The following IRS2 variants were observed in gnomAD, a reference collection of about 807,000 sequenced individuals.
The protein encoded by IRS2 is insulin receptor substrate 2.
Under a neutral mutation model 70.9 loss-of-function variants are expected in IRS2, and 28 were observed. The ratio of observed to expected loss-of-function variants is 0.39; its 90% CI spans 0.29 to 0.54. IRS2 has a LOEUF of 0.54. Among genes scored for constraint, IRS2 ranks in the 20% least tolerant of loss-of-function variants. IRS2 has a pLI of 0.59. For missense variants in IRS2, 2,081 were observed against 2,024.1 expected (o/e 1.03, Z -0.54); for synonymous variants, 1,217 against 981.9 (o/e 1.24, Z -4.48).
In IRS2 at chr13:109,786,095, G is replaced by A. The variant is rs1161244387; in HGVS notation, c.-42C>T. 1.6e-5 allele frequency: 16 copies of A among 1,010,436 alleles called. No homozygotes were observed. Among genetic ancestry groups the A allele is most frequent in the Non-Finnish European group, 1.8e-5 (15 of 849,724 alleles). The allele number at this position is 1,010,436 out of a possible 1,614,324, so 62.6% of individuals were successfully genotyped here. On this transcript the variant is annotated 5_prime_UTR_variant, in exon 1 of 2. Transcript: ENST00000375856. This position sits in a 1 kb window ranked among gnomAD's most constrained non-coding sequence, Gnocchi z 4.4. ...CGCGCGGCCCGGGCCCGGCGCCCAG[G>A]GGTTGGGGCGAGGGGCGGAGGGGGC...
chr13:109,785,733 G>C lies in IRS2; in HGVS notation c.321C>G (p.Ala107=). The stretch of plus-strand genomic sequence containing the variant: ...AGAGGGCGATCAGGTACTTGTGCTT[G>C]GCGTCGGCGCGCTTGTTGATGTTCA... ...CCLNINKRAD[A]KHKYLIALYT... is the part of the protein sequence containing the mutation. The change falls in exon 1 of 2, where the codon GCC becomes GCG. Residue 107 remains alanine (A), a synonymous_variant. Transcript: ENST00000375856. This position sits in a 1 kb window ranked among gnomAD's most constrained non-coding sequence, Gnocchi z 9.3. The C allele has an allele frequency of 6.3e-7, 1 of 1,598,702 alleles. No homozygotes were observed.
At chr13:109,767,334 G>A (rs1483411283) in intron 1 of IRS2, among the ~76,000 whole-genome samples, 1 of 152,172 alleles carries the variant, frequency 6.6e-6, no homozygotes, top group Non-Finnish European at 1.5e-5. Flanking sequence ...CCAGCAAGGA[G>A]AAGGAGGTGT....
At chr13:109,758,886 A>G (rs1452885462) in intron 1 of IRS2, among the ~76,000 whole-genome samples, 6 of 147,466 alleles carry the variant, frequency 4.1e-5, no homozygotes, top group Non-Finnish European at 7.5e-5. Flanking sequence ...GAAGAGGAAG[A>G]GGAAGGGGAA....
intron 1 of IRS2, among the ~76,000 whole-genome samples, chr13:109,775,626 G>A (rs189144163): frequency 5.1e-4 from 78 of 152,194 alleles, no homozygotes; most frequent in African/African-American, 1.8e-3. Context: ...TAAAGTAGCA[G>A]TAGACTATGC....
In IRS2 at chr13:109,755,223, T is replaced by TTTG. The variant is rs1432709904; in HGVS notation, c.*1080_*1081insCAA. ...TCAGTTTCTTTCTTTCCTTTTTTTTTTTTCTTTTTGTTTTTTTTGTTCAGG... is the reference window on the plus strand; with the variant it reads ...TCAGTTTCTTTCTTTCCTTTTTTTTTTTGTTTCTTTTTGTTTTTTTTGTTCAGG... On this transcript the variant is annotated 3_prime_UTR_variant, in exon 2 of 2. Coordinates refer to ENST00000375856, the MANE Select transcript of IRS2 (RefSeq NM_003749.3). 6.8e-6 allele frequency: 1 copy of TTTG among 146,798 alleles called. No individual in the cohort carries two copies. Among genetic ancestry groups the TTTG allele is most frequent in the Non-Finnish European group, 1.3e-5 (1 of 79,992 alleles). 9.1% of individuals were successfully genotyped at this position (146,798 alleles called of 1,614,324 possible). A position where few individuals can be genotyped will look rare whatever the true frequency, so the allele number is the denominator to read the frequency against.
chr13:109,783,691 A>G lies in IRS2; in HGVS notation c.2363T>C (p.Leu788Pro), dbSNP rs1017628433. The stretch of plus-strand genomic sequence containing the variant: ...CCTGAGCGGCTCCCCGCCGGGGTGC[A>G]GGGCTGCGGAGAAGAAGTCGGGCGG... ...GTPPDFFSAA[L>P]HPGGEPLRGV... Residue 788 changes from leucine (L) to proline (P), a missense_variant, in exon 1 of 2, where the codon CTG (leucine) becomes CCG (proline). Coordinates refer to ENST00000375856, the MANE Select transcript of IRS2 (RefSeq NM_003749.3). 2 of 1,562,454 alleles carry G rather than the reference A, an allele frequency of 1.3e-6. No individual in the cohort carries two copies. Among genetic ancestry groups the G allele is most frequent in the East Asian group, 2.4e-5 (1 of 41,830 alleles).
intron 1 of IRS2, among the ~76,000 whole-genome samples, chr13:109,759,792 C>T (rs1420306991): frequency 6.6e-6 from 1 of 152,052 alleles, no homozygotes; most frequent in African/African-American, 2.4e-5. Context: ...CTTTCAGACA[C>T]CAAACACCAA....
intron 1 of IRS2, among the ~76,000 whole-genome samples, chr13:109,767,001 A>G (rs1373492038): frequency 6.6e-6 from 1 of 152,234 alleles, no homozygotes; most frequent in East Asian, 1.9e-4. Flanking sequence ...TCTTGTAGAC[A>G]TTTTCCAATG....
In IRS2 at chr13:109,783,087, A is replaced by C. The variant is rs769296960; in HGVS notation, c.2967T>G (p.Pro989=). The change falls in exon 1 of 2, where the codon CCT becomes CCG. Residue 989 remains proline, a synonymous_variant. Transcript: ENST00000375856. The part of the protein sequence containing the change: ...MNLDFSSPKS[P]KPGAPSGHPV... ...GGTGGCCGCTCGGGGCGCCCGGCTT[A>C]GGAGACTTGGGGGAGCTGAAGTCGA... 7.2e-7 allele frequency: 1 copy of C among 1,389,266 alleles called. No homozygotes were observed. Among genetic ancestry groups the C allele is most frequent in the East Asian group, 2.9e-5 (1 of 34,754 alleles). 86.1% of individuals were successfully genotyped at this position (1,389,266 alleles called of 1,614,324 possible). A position where few individuals can be genotyped will look rare whatever the true frequency, so the allele number is the denominator to read the frequency against.
rs1419869612 is a variant in IRS2, at chr13:109,783,822, G to T, written c.2232C>A (p.Arg744=). Residue 744 remains arginine, a synonymous_variant, in exon 1 of 2, where the codon CGC becomes CGA. Transcript: ENST00000375856. ...ESSPEDSGYM[R]MWCGSKLSME... ...TGGACAGCTTGGAACCGCACCACAT[G>T]CGCATGTACCCACTGTCCTCGGGGG... 1 of 1,590,864 alleles carries T rather than the reference G, an allele frequency of 6.3e-7. No homozygotes were observed. The highest frequency in any genetic ancestry group is 8.6e-7 in the Non-Finnish European group (1 of 1,169,068).
In IRS2 at chr13:109,786,060, C is replaced by G. The variant is rs1233660029; in HGVS notation, c.-7G>C. 8 of 1,172,454 alleles carry G rather than the reference C, an allele frequency of 6.8e-6. No individual in the cohort carries two copies. The highest frequency in any genetic ancestry group is 8.4e-6 in the Non-Finnish European group (8 of 956,392). The allele number at this position is 1,172,454 out of a possible 1,614,324, so 72.6% of individuals were successfully genotyped here. On this transcript the variant is annotated 5_prime_UTR_variant, in exon 1 of 2. Coordinates refer to ENST00000375856, the MANE Select transcript of IRS2 (RefSeq NM_003749.3). This position sits in a 1 kb window ranked among gnomAD's most constrained non-coding sequence, Gnocchi z 4.4. ...GCCGCGGCGGGCTCGCCATCGCGGG[C>G]GCTTCAGGCCGCGCGGCCCGGGCCC...
At chr13:109,775,821 G>A (rs1183795479) in intron 1 of IRS2, among the ~76,000 whole-genome samples, 2 of 149,334 alleles carry the variant, frequency 1.3e-5, no homozygotes, top group Non-Finnish European at 3.0e-5. Context: ...ATTTGTTGCT[G>A]GAAAACCTGA....
At position 109,784,605 on chromosome 13, in the gene IRS2, G is replaced by A; in HGVS notation, c.1449C>T (p.Ser483=). 5 of 1,345,708 alleles carry A rather than the reference G, an allele frequency of 3.7e-6. No individual in the cohort carries two copies. Among genetic ancestry groups the A allele is most frequent in the Non-Finnish European group, 4.7e-6 (5 of 1,054,226 alleles). The allele number at this position is 1,345,708 out of a possible 1,614,324, so 83.4% of individuals were successfully genotyped here. ...GGGAGCCCGAGGCGGAGGCGCTGCC[G>A]CTGGAGGGCCGCTGGCCGGGGCCGT... The part of the protein sequence containing the change: ...LHHGPGQRPS[S]GSASASGSPS... Residue 483 remains serine (S), a synonymous_variant, in exon 1 of 2, where the codon AGC becomes AGT. Coordinates refer to ENST00000375856, the MANE Select transcript of IRS2 (RefSeq NM_003749.3). The surrounding 1 kb of genome is among the most constrained non-coding windows in gnomAD (Gnocchi z 5.2).
At chr13:109,756,455 T>A (rs1877108773) in intron 1 of IRS2, 147 bp from the exon 2 acceptor site, 1 of 722,886 alleles carries the variant, frequency 1.4e-6, no homozygotes. Flanking sequence ...ATGTATTCAT[T>A]CTGTTTTCCA....
In IRS2 at chr13:109,779,750, A is replaced by G. The variant is rs137953696; in HGVS notation, c.4012+2292T>C. Among the ~76,000 whole-genome samples, 682 of 152,214 alleles carry G rather than the reference A, an allele frequency of 4.5e-3. 8 individuals carry two copies. Among genetic ancestry groups the G allele is most frequent in the African/African-American group, 0.016 (644 of 41,504 alleles). ...TTCTTAGAAGAGGGTTCATCATGAT[A>G]CCCACACAAACTTCGGACAAACAGC... On this transcript the variant is annotated intron_variant, in intron 1 of 1. Coordinates refer to ENST00000375856, the MANE Select transcript of IRS2 (RefSeq NM_003749.3).
At chr13:109,762,112 G>A (rs541415012) in intron 1 of IRS2, among the ~76,000 whole-genome samples, 2 of 152,120 alleles carry the variant, frequency 1.3e-5, no homozygotes, top group South Asian at 2.1e-4. Flanking sequence ...TACAGTGCAC[G>A]GCTACAGCAG....
intron 1 of IRS2, 150 bp from the exon 2 acceptor site, chr13:109,756,458 GT>G: frequency 1.4e-6 from 1 of 711,412 alleles, no homozygotes; most frequent in East Asian, 2.6e-5. Context: ...TATTCATTCT[GT>G]TTTCCAGAGG....
At position 109,783,306 on chromosome 13, in the gene IRS2, G is replaced by A. The variant is rs988744481; in HGVS notation, c.2748C>T (p.Pro916=). The change falls in exon 1 of 2, where the codon CCC becomes CCT. Residue 916 remains proline (P), a synonymous_variant. Transcript: ENST00000375856. ...EYPLPPEPKS[P]GEYINIDFGE... ...CAAAGTCGATGTTGATGTACTCGCC[G>A]GGGCTCTTGGGCTCCGGTGGCAGTG... The A allele has an allele frequency of 3.9e-6, 6 of 1,544,514 alleles. No homozygotes were observed. The highest frequency in any genetic ancestry group is 1.2e-5 in the South Asian group (1 of 84,568).
chr13:109,785,152 C>T lies in IRS2; in HGVS notation c.902G>A (p.Arg301Gln). The change falls in exon 1 of 2, where the codon CGG becomes CAG. Residue 301 changes from arginine (R) to glutamine (Q), a missense_variant. This residue lies in a region of IRS2 where 111 missense variants were observed against 133.1 expected (regional missense o/e 0.83). Transcript: ENST00000375856. The surrounding 1 kb of genome is among the most constrained non-coding windows in gnomAD (Gnocchi z 9.3). ...MKALKELFEF[R>Q]PRSKSQSSGS... ...CGACGATTGGCTCTTACTGCGCGGCCGGAACTCGAAGAGCTCCTTGAGCGC... is the reference window on the plus strand; with the variant it reads ...CGACGATTGGCTCTTACTGCGCGGCTGGAACTCGAAGAGCTCCTTGAGCGC... 1 of 1,598,718 alleles carries T rather than the reference C, an allele frequency of 6.3e-7. No individual in the cohort carries two copies. Among genetic ancestry groups the T allele is most frequent in the Non-Finnish European group, 8.5e-7 (1 of 1,173,528 alleles).
Sources: gnomAD v4.1 joint callset for allele counts (sites outside exome capture counted in the v4.1 genomes callset) on GRCh38, gnomAD v4.1.1 for gene constraint, gnomAD v4.1.1 regional missense constraint, Gnocchi (gnomAD v3.1) non-coding constraint, MANE v1.5 for transcripts, NCBI Gene and HGNC (gene_info 2026-07-23, HGNC 2026-07-21) for gene names.